The following PPT2 variants were observed in gnomAD, a reference collection of about 807,000 sequenced individuals.
The protein encoded by PPT2 is lysosomal thioesterase PPT2.
In PPT2, 20 loss-of-function variants were observed where a neutral mutation model predicts 37.3. The observed-to-expected ratio is 0.54, with a 90% CI of 0.38 to 0.78. The LOEUF (loss-of-function observed/expected upper bound fraction) is 0.78. PPT2 is among the 30% of genes least tolerant of loss of function. The probability of loss-of-function intolerance (pLI) is 0.00; values close to 1 mark genes in which losing one functional copy is unlikely to be tolerated. For missense variants in PPT2, 270 were observed against 389.8 expected (o/e 0.69, Z 2.59); for synonymous variants, 135 against 159.1 (o/e 0.85, Z 1.14).
chr6:32,157,874 G>GCT lies in PPT2; in HGVS notation c.660_661insCT (p.Val221LeufsTer3), dbSNP rs1783900347. 3 of 1,612,764 alleles carry GCT rather than the reference G, an allele frequency of 1.9e-6. No individual in the cohort carries two copies. Among genetic ancestry groups the GCT allele is most frequent in the Non-Finnish European group, 2.5e-6 (3 of 1,179,916 alleles). ...AGAACTTTCTGCGTGTGGGCCACCT[G>GCT]GTGCTGATTGGGGGCCCTGATGATG... On this transcript the variant is annotated frameshift_variant, in exon 7 of 9. Transcript: ENST00000324816. LOFTEE classifies it high-confidence loss of function.
chr6:32,156,599 G>A lies in PPT2; in HGVS notation c.541+621G>A, dbSNP rs1783822175. Among the ~76,000 whole-genome samples, 1 of 152,176 alleles carries A rather than the reference G, an allele frequency of 6.6e-6. No individual in the cohort carries two copies. Among genetic ancestry groups the A allele is most frequent in the South Asian group, 2.1e-4 (1 of 4,830 alleles). ...GTACCATATGTGAATGAATGTGCCTGTGTTCCAGTAAAACTTCATTTACAA... is the reference window on the plus strand; with the variant it reads ...GTACCATATGTGAATGAATGTGCCTATGTTCCAGTAAAACTTCATTTACAA... On this transcript the variant is annotated intron_variant, in intron 5 of 8. Transcript: ENST00000324816. This position sits in a 1 kb window ranked among gnomAD's most constrained non-coding sequence, Gnocchi z 4.9.
intron 7 of PPT2, among the ~76,000 whole-genome samples, chr6:32,161,461 G>A (rs1474392921): frequency 6.6e-6 from 1 of 151,506 alleles, no homozygotes; most frequent in Non-Finnish European, 1.5e-5. Context: ...AACTAATTTT[G>A]TATTTTTAGT....
Position 32,162,863 on chromosome 6 carries a change from G to A in PPT2, c.822G>A (p.Val274=). ...CTCTATTGGCCCGGGGGGCCATAGT[G>A]AGGTGTCCAATGGCCGGTATCTCCC... ...LKTLLARGAI[V]RCPMAGISHT... Residue 274 remains valine, a synonymous_variant, in exon 9 of 9, where the codon GTG becomes GTA. Transcript: ENST00000324816. This position sits in a 1 kb window ranked among gnomAD's most constrained non-coding sequence, Gnocchi z 5.5. 6 of 1,613,468 alleles carry A rather than the reference G, an allele frequency of 3.7e-6. No individual in the cohort carries two copies. Among genetic ancestry groups the A allele is most frequent in the Non-Finnish European group, 5.1e-6 (6 of 1,179,384 alleles).
intron 7 of PPT2, among the ~76,000 whole-genome samples, chr6:32,161,590 CT>C (rs9281664): frequency 1.7e-3 from 201 of 115,362 alleles, no homozygotes; most frequent in Admixed American, 2.4e-3. Flanking sequence ...CACCTGGCCT[CT>C]TTTTTTTTTT....
At chr6:32,157,595 C>T (rs1478387953) in intron 5 of PPT2, 42 bp from the exon 6 acceptor site, 1 of 1,500,758 alleles carries the variant, frequency 6.7e-7, no homozygotes. Context: ...CCAGTCTTGC[C>T]TCCCTTTTCT....
intron 7 of PPT2, among the ~76,000 whole-genome samples, chr6:32,161,239 C>T (rs1229827724): frequency 6.6e-6 from 1 of 151,978 alleles, no homozygotes; most frequent in African/African-American, 2.4e-5. Context: ...GTGGAAGATC[C>T]AAATCAGGAT....
In PPT2 at chr6:32,155,566, G is replaced by A. The variant is rs1264599648; in HGVS notation, c.338-122G>A. 5 of 823,196 alleles carry A rather than the reference G, an allele frequency of 6.1e-6. No individual in the cohort carries two copies. In the African/African-American group the frequency reaches 7.2e-5, roughly 12 times the overall value. The allele number at this position is 823,196 out of a possible 1,614,324, so 51.0% of individuals were successfully genotyped here. ...AGCCTCAGTCTCCTTTGTGTACAGT[G>A]TGTGTCTGTGTGTGTCTCTGTGTGT... On this transcript the variant is annotated intron_variant, in intron 3 of 8. Coordinates refer to ENST00000324816, the MANE Select transcript of PPT2 (RefSeq NM_005155.7). The surrounding 1 kb of genome is among the most constrained non-coding windows in gnomAD (Gnocchi z 4.3).
chr6:32,161,174 T>C (rs938614266), intron 7 of PPT2, among the ~76,000 whole-genome samples: 10 of 152,160 alleles, frequency 6.6e-5, no homozygotes, highest in African/African-American at 2.4e-4. Context: ...TTCCTGAATA[T>C]GCGCTCACAG....
intron 7 of PPT2, among the ~76,000 whole-genome samples, chr6:32,159,203 G>C (rs1783981084): frequency 6.6e-6 from 1 of 151,874 alleles, no homozygotes; most frequent in Admixed American, 6.6e-5. Context: ...GGGAGGCCGA[G>C]GCAGTGGATC....
rs571736135 is a variant in PPT2, at chr6:32,160,334, C to T, written c.711-2234C>T. 8.3e-5 allele frequency among the ~76,000 whole-genome samples: 12 copies of T among 144,700 alleles called. No homozygotes were observed. The South Asian group carries it at 2.2e-3, about 26-fold the overall frequency. 94.9% of individuals were successfully genotyped at this position (144,700 alleles called of 152,430 possible). On this transcript the variant is annotated intron_variant, in intron 7 of 8. Coordinates refer to ENST00000324816, the MANE Select transcript of PPT2 (RefSeq NM_005155.7). ...TGCTAGGATTATAGGCGTGAGCCCA[C>T]GCACCCGGCCTTGCCTGGCCAATAT...
intron 7 of PPT2, 37 bp downstream of exon 7, chr6:32,157,961 G>C: frequency 6.5e-7 from 1 of 1,542,558 alleles, no homozygotes; most frequent in Non-Finnish European, 8.9e-7. Context: ...ATTGGCTAAA[G>C]ACATCCCCCA....
chr6:32,155,652 C>T lies in PPT2; in HGVS notation c.338-36C>T. 4 of 1,551,750 alleles carry T rather than the reference C, an allele frequency of 2.6e-6. No individual in the cohort carries two copies. The South Asian group carries it at 4.5e-5, about 17-fold the overall frequency. ...GGGGGGTGCTGCTGGCTTTGCTGTC[C>T]TTAAGTGCCTGCCCAATGTGGTGTT... On this transcript the variant is annotated intron_variant, in intron 3 of 8. Transcript: ENST00000324816. The surrounding 1 kb of genome is among the most constrained non-coding windows in gnomAD (Gnocchi z 4.3).
At position 32,163,250 on chromosome 6, in the gene PPT2, T is replaced by C. The variant is rs747242174; in HGVS notation, c.*300T>C. ...GAAGTGAGAAACCATGTTTTTAACT[T>C]GTGGCTGCTTTTGCTGCTGCTGCTC... On this transcript the variant is annotated 3_prime_UTR_variant, in exon 9 of 9. Transcript: ENST00000324816. The C allele has an allele frequency of 1.4e-4, 55 of 397,658 alleles. No individual in the cohort carries two copies. The highest frequency in any genetic ancestry group is 2.1e-4 in the Non-Finnish European group (48 of 223,364). 24.6% of individuals were successfully genotyped at this position (397,658 alleles called of 1,614,324 possible).
chr6:32,154,711 C>T lies in PPT2; in HGVS notation c.117C>T (p.Val39=). ...CCCACCGCGCGTCCTACAAGCCGGT[C>T]ATCGTGGTGCATGGGCTCTTCGACA... The part of the protein sequence containing the change: ...PAPHRASYKP[V]IVVHGLFDSS... The change falls in exon 2 of 9, where the codon GTC becomes GTT. Residue 39 remains valine (V), a synonymous_variant. Transcript: ENST00000324816. The surrounding 1 kb of genome is among the most constrained non-coding windows in gnomAD (Gnocchi z 7.3). 3 of 1,613,202 alleles carry T rather than the reference C, an allele frequency of 1.9e-6. No individual in the cohort carries two copies. Among genetic ancestry groups the T allele is most frequent in the Non-Finnish European group, 1.7e-6 (2 of 1,180,022 alleles).
Position 32,154,863 on chromosome 6 carries a change from C to A in PPT2, c.183+86C>A. On this transcript the variant is annotated intron_variant, in intron 2 of 8. Coordinates refer to ENST00000324816, the MANE Select transcript of PPT2 (RefSeq NM_005155.7). The surrounding 1 kb of genome is among the most constrained non-coding windows in gnomAD (Gnocchi z 7.3). ...GAGCGGGGAACTGAAAGCCACCCCT[C>A]TGGGCCTGCCCAGTTCCTCAGGGAG... is the stretch of plus-strand genomic sequence containing the variant. 6.5e-7 allele frequency: 1 copy of A among 1,538,076 alleles called. No individual in the cohort carries two copies. The highest frequency in any genetic ancestry group is 8.8e-7 in the Non-Finnish European group (1 of 1,132,630).
At chr6:32,153,891 G>A, upstream of PPT2, 1 of 1,247,460 alleles carries the variant, frequency 8.0e-7, no homozygotes, top group Non-Finnish European at 1.1e-6. This position sits in a 1 kb window ranked among gnomAD's most constrained non-coding sequence, Gnocchi z 4.4. Context: ...TTGGGTCGCT[G>A]GGGGCAACGA....
rs1393358099 is a variant in PPT2, at chr6:32,162,197, CCTTTT to C, written c.711-365_711-361del. On this transcript the variant is annotated intron_variant, in intron 7 of 8. Coordinates refer to ENST00000324816, the MANE Select transcript of PPT2 (RefSeq NM_005155.7). This position sits in a 1 kb window ranked among gnomAD's most constrained non-coding sequence, Gnocchi z 5.5. ...ACCTTGATTTCTTCCTTTCTTTTTT[CCTTTT>C]CTTTTTTCTTTCCTTTTTCCTTTCC... Among the ~76,000 whole-genome samples, 1 of 152,066 alleles carries C rather than the reference CCTTTT, an allele frequency of 6.6e-6. No individual in the cohort carries two copies. Among genetic ancestry groups the C allele is most frequent in the Non-Finnish European group, 1.5e-5 (1 of 68,014 alleles).
Position 32,156,050 on chromosome 6 carries a change from C to G in PPT2, c.541+72C>G. ...CTTCCACCTCTGCTACAACCAATAG[C>G]AGTGATGACAATAAAGATAACTTAC... is the stretch of plus-strand genomic sequence containing the variant. On this transcript the variant is annotated intron_variant, in intron 5 of 8. Coordinates refer to ENST00000324816, the MANE Select transcript of PPT2 (RefSeq NM_005155.7). This position sits in a 1 kb window ranked among gnomAD's most constrained non-coding sequence, Gnocchi z 4.9. 1 of 1,101,282 alleles carries G rather than the reference C, an allele frequency of 9.1e-7. No homozygotes were observed. Among genetic ancestry groups the G allele is most frequent in the Non-Finnish European group, 1.4e-6 (1 of 720,760 alleles). The allele number at this position is 1,101,282 out of a possible 1,614,324, so 68.2% of individuals were successfully genotyped here.
At position 32,155,795 on chromosome 6, in the gene PPT2, C is replaced by G. The variant is rs1483082360; in HGVS notation, c.433+12C>G. 3 of 1,611,754 alleles carry G rather than the reference C, an allele frequency of 1.9e-6. No homozygotes were observed. The highest frequency in any genetic ancestry group is 2.5e-6 in the Non-Finnish European group (3 of 1,177,842). On this transcript the variant is annotated intron_variant, in intron 4 of 8. Transcript: ENST00000324816. This position sits in a 1 kb window ranked among gnomAD's most constrained non-coding sequence, Gnocchi z 4.3. ...GGGACAGTATGGAGGTGAGTGGGCA[C>G]TAGACTCCATAGAATGCCCTGAGTT...
Sources: gnomAD v4.1 joint callset for allele counts (sites outside exome capture counted in the v4.1 genomes callset) on GRCh38, gnomAD v4.1.1 for gene constraint, Gnocchi (gnomAD v3.1) non-coding constraint, MANE v1.5 for transcripts, NCBI Gene and HGNC (gene_info 2026-07-23, HGNC 2026-07-21) for gene names.